TXNL4A: variants seen among roughly 807,000 people sequenced by gnomAD.
TXNL4A encodes the protein thioredoxin like 4A.
A neutral mutation model predicts 14.6 loss-of-function variants in TXNL4A; 17 were observed. That is an observed-to-expected ratio of 1.16 (90% confidence interval 0.80 to 1.74). TXNL4A has a LOEUF of 1.74. Among genes scored for constraint, TXNL4A ranks in the 40% most tolerant of loss-of-function variants. TXNL4A has a pLI of 0.00. For synonymous variants in TXNL4A, 83 were observed against 70.6 expected, an observed-to-expected ratio of 1.18 and a Z score of -0.88; for missense variants, 74 against 195.2, an observed-to-expected ratio of 0.38 and a Z score of 3.70.
At chr18:79,993,219 A>G (rs2051639336), upstream of TXNL4A, among the ~76,000 whole-genome samples, 1 of 152,128 alleles carries the variant, frequency 6.6e-6, no homozygotes. This position sits in a 1 kb window ranked among gnomAD's most constrained non-coding sequence, Gnocchi z 4.4. Context: ...CTTGTAGCCT[A>G]AACTGGTAGG....
intron 1 of TXNL4A, among the ~76,000 whole-genome samples, chr18:80,015,290 C>G (rs896548233): frequency 6.6e-6 from 1 of 151,846 alleles, no homozygotes. Context: ...CTTCATTGAT[C>G]AGGCTGCAAA....
rs749128660 is a variant in TXNL4A at position 80,011,653 on chromosome 18, C to G, written c.-61+22198G>C. On this transcript the variant is annotated intron_variant, in intron 1 of 2. Transcript: ENST00000585474. The surrounding 1 kb of genome is among the most constrained non-coding windows in gnomAD (Gnocchi z 4.1). ...TTTATGCCCCGAGAGCACAACCGCT[C>G]GGCGGCATTCCACAGGTGGCTCAGG... is the stretch of plus-strand genomic sequence containing the variant. Among the ~76,000 whole-genome samples the G allele has an allele frequency of 1.3e-5, 2 of 152,112 alleles. No homozygotes were observed. Among genetic ancestry groups the G allele is most frequent in the Admixed American group, 6.6e-5 (1 of 15,266 alleles).
chr18:80,019,741 G>T (rs1342722263), intron 1 of TXNL4A, among the ~76,000 whole-genome samples: 1 of 152,152 alleles, frequency 6.6e-6, no homozygotes, highest in African/African-American at 2.4e-5. Context: ...ATATTTAAAG[G>T]TTTCCCAAGT....
chr18:80,020,171 G>T (rs973576247), intron 1 of TXNL4A, among the ~76,000 whole-genome samples: 1 of 152,196 alleles, frequency 6.6e-6, no homozygotes, highest in Admixed American at 6.5e-5. Context: ...ATCCACGTAA[G>T]ATGTGACTTC....
At chr18:80,003,977 T>G (rs1022499523) in intron 1 of TXNL4A, among the ~76,000 whole-genome samples, 1 of 152,048 alleles carries the variant, frequency 6.6e-6, no homozygotes, top group African/African-American at 2.4e-5. Flanking sequence ...TCTTGACACA[T>G]GGGGATTACA....
At chr18:79,975,765 A>T (rs958549589) in intron 2 of TXNL4A, among the ~76,000 whole-genome samples, 14 of 152,058 alleles carry the variant, frequency 9.2e-5, no homozygotes, top group Admixed American at 3.3e-4. Flanking sequence ...CAGTTATAGG[A>T]AGTCAGAGCT....
At chr18:80,031,083 T>A (rs2051918202) in intron 1 of TXNL4A, among the ~76,000 whole-genome samples, 1 of 152,216 alleles carries the variant, frequency 6.6e-6, no homozygotes. Flanking sequence ...TAAAACAAAG[T>A]GGTGACCATG....
At chr18:80,008,771 T>TTTTC (rs561652448) in intron 1 of TXNL4A, among the ~76,000 whole-genome samples, 197 of 152,034 alleles carry the variant, frequency 1.3e-3, no homozygotes, top group African/African-American at 2.5e-3. Flanking sequence ...TCTACTTCAT[T>TTTTC]TTTCTTTCTT....
rs2051884539 is a variant in TXNL4A, at chr18:80,026,381, TGCCTTAGGCTGA to T, written c.-61+7458_-61+7469del. On this transcript the variant is annotated intron_variant, in intron 1 of 2. Transcript: ENST00000585474. ...AAGTCCGGGACCCCTTAAAAGGGAT[TGCCTTAGGCTGA>T]AATGAAAGAAAAGGCAGGAAAATGC... Among the ~76,000 whole-genome samples, 3 of 152,168 alleles carry T rather than the reference TGCCTTAGGCTGA, an allele frequency of 2.0e-5. No homozygotes were observed. The East Asian group carries it at 5.8e-4, about 29-fold the overall frequency.
At chr18:80,020,391 A>T (rs1292857145) in intron 1 of TXNL4A, among the ~76,000 whole-genome samples, 2 of 152,182 alleles carry the variant, frequency 1.3e-5, no homozygotes, top group African/African-American at 4.8e-5. Flanking sequence ...CCTTTAGAGG[A>T]TAGCAGTGCT....
chr18:79,980,786 G>C (rs562322192), intron 1 of TXNL4A, among the ~76,000 whole-genome samples: 1 of 151,128 alleles, frequency 6.6e-6, no homozygotes, highest in Non-Finnish European at 1.5e-5. Context: ...CATGCAACTC[G>C]CCATCCATGT....
chr18:80,031,800 G>T (rs890594908), intron 1 of TXNL4A, among the ~76,000 whole-genome samples: 1 of 152,164 alleles, frequency 6.6e-6, no homozygotes, highest in Non-Finnish European at 1.5e-5. Context: ...AACATAACCC[G>T]GCTTATGACT....
intron 1 of TXNL4A, among the ~76,000 whole-genome samples, chr18:80,005,152 C>A (rs548864544): frequency 6.6e-6 from 1 of 152,338 alleles, no homozygotes; most frequent in East Asian, 1.9e-4. Flanking sequence ...TTGTGATGAT[C>A]TCCTGGGGGA....
chr18:80,021,367 C>T (rs928655855), intron 1 of TXNL4A, among the ~76,000 whole-genome samples: 14 of 151,930 alleles, frequency 9.2e-5, no homozygotes, highest in African/African-American at 2.7e-4. Context: ...TTAGTGGAGA[C>T]GGGGTTTCAC....
chr18:80,017,420 A>G (rs2051818952), intron 1 of TXNL4A, among the ~76,000 whole-genome samples: 1 of 151,492 alleles, frequency 6.6e-6, no homozygotes, highest in African/African-American at 2.4e-5. Flanking sequence ...GTGGTGAGAG[A>G]GGGCATCCCT....
At chr18:80,015,553 T>C (rs1412239331) in intron 1 of TXNL4A, among the ~76,000 whole-genome samples, 6 of 147,784 alleles carry the variant, frequency 4.1e-5, no homozygotes, top group African/African-American at 1.5e-4. Flanking sequence ...GATGTTCCCC[T>C]TCCTGTGTCC....
intron 1 of TXNL4A, among the ~76,000 whole-genome samples, chr18:79,985,258 A>G (rs550209212): frequency 6.6e-6 from 1 of 152,078 alleles, no homozygotes; most frequent in Non-Finnish European, 1.5e-5. Context: ...TGCTAAATAG[A>G]AAACTTTTTT....
rs1021775199 is a variant in TXNL4A, at chr18:80,011,248, G to C, written c.-61+22603C>G. Among the ~76,000 whole-genome samples, 4 of 152,148 alleles carry C rather than the reference G, an allele frequency of 2.6e-5. No individual in the cohort carries two copies. The highest frequency in any genetic ancestry group is 5.9e-5 in the Non-Finnish European group (4 of 68,038). ...ACCAAGACTCGAATTTATTAAAAAG[G>C]GATTGTAGCCAACTGGGACGGGAGT... On this transcript the variant is annotated intron_variant, in intron 1 of 2. Transcript: ENST00000585474. The surrounding 1 kb of genome is among the most constrained non-coding windows in gnomAD (Gnocchi z 4.1).
chr18:80,017,231 A>G (rs1288717908), intron 1 of TXNL4A, among the ~76,000 whole-genome samples: 2 of 152,154 alleles, frequency 1.3e-5, no homozygotes, highest in African/African-American at 4.8e-5. Flanking sequence ...AGACTTTGCC[A>G]AAGTTGCTTA....
Sources: gnomAD v4.1 joint callset for allele counts (sites outside exome capture counted in the v4.1 genomes callset) on GRCh38, gnomAD v4.1.1 for gene constraint, Gnocchi (gnomAD v3.1) non-coding constraint, MANE v1.5 for transcripts, NCBI Gene and HGNC (gene_info 2026-07-23, HGNC 2026-07-21) for gene names.